TTI1: variants seen among roughly 807,000 people sequenced by gnomAD.
TTI1 encodes TELO2 interacting protein 1, also known as TELO2-interacting protein 1 homolog.
TTI1 carries 52 observed loss-of-function variants against 85.4 expected under a neutral mutation model. The observed-to-expected ratio is 0.61, with a 90% CI of 0.49 to 0.77. The LOEUF is 0.77. Among genes scored for constraint, TTI1 ranks in the 30% least tolerant of loss-of-function variants. The pLI, the probability that TTI1 is intolerant of heterozygous loss-of-function variation, is 0.00. For missense variants in TTI1, 1,173 were observed against 1,296.0 expected, an observed-to-expected ratio of 0.91 and a Z score of 1.46; for synonymous variants, 512 against 503.9, an observed-to-expected ratio of 1.02 and a Z score of -0.22.
chr20:38,001,664 A>C (rs2073427284), intron 4 of TTI1, among the ~76,000 whole-genome samples: 1 of 152,074 alleles, frequency 6.6e-6, no homozygotes. Context: ...ATCACCCCTG[A>C]GCAAGGCAAT....
chr20:38,011,366 A>G (rs1016091285), intron 2 of TTI1, 149 bp downstream of exon 2: 9 of 844,250 alleles, frequency 1.1e-5, no homozygotes, highest in Non-Finnish European at 1.6e-5. Context: ...AAACAGTGAA[A>G]CCCCCCCATA....
Position 38,003,752 on chromosome 20 carries a change from C to CA in TTI1, c.2504-977dup, listed in dbSNP as rs61171915. 2.4e-3 allele frequency among the ~76,000 whole-genome samples: 281 copies of CA among 118,782 alleles called. 1 individual carries two copies. Among genetic ancestry groups the CA allele is most frequent in the Middle Eastern group, 4.8e-3 (1 of 208 alleles). 77.9% of individuals were successfully genotyped at this position (118,782 alleles called of 152,430 possible). On this transcript the variant is annotated intron_variant, in intron 3 of 7. Coordinates refer to ENST00000373447, the MANE Select transcript of TTI1 (RefSeq NM_001303457.2). The stretch of plus-strand genomic sequence containing the variant: ...GGGCAACAACAGCAAAACTCTGTCT[C>CA]AAAAAAAAAAAAAAAAGGGAGAGAT...
intron 1 of TTI1, among the ~76,000 whole-genome samples, chr20:38,020,899 C>T (rs908287388): frequency 2.6e-5 from 4 of 152,034 alleles, no homozygotes; most frequent in Non-Finnish European, 4.4e-5. Context: ...TGCTGGTGGG[C>T]GTATAAATCA....
At chr20:38,030,137 ATTATT>A (rs2073887969) in intron 1 of TTI1, among the ~76,000 whole-genome samples, 1 of 151,904 alleles carries the variant, frequency 6.6e-6, no homozygotes, top group Admixed American at 6.6e-5. Context: ...TAGGAAAGAG[ATTATT>A]TTAACAGCTT....
intron 1 of TTI1, among the ~76,000 whole-genome samples, chr20:38,022,589 T>C (rs565316346): frequency 6.6e-6 from 1 of 152,306 alleles, no homozygotes; most frequent in East Asian, 1.9e-4. Flanking sequence ...AGATAAAACC[T>C]GCCATGCTCT....
At chr20:38,020,318 AAAAAAATATATATATAT>A (rs1568628937) in intron 1 of TTI1, among the ~76,000 whole-genome samples, 1,064 of 84,138 alleles carry the variant, frequency 0.013, 70 homozygotes, top group African/African-American at 0.047. Flanking sequence ...ATGAAAAAAA[AAAAAAATATATATATAT>A]ATATATATAT....
Position 37,996,371 on chromosome 20 carries a change from G to C in TTI1, c.3086+4C>G, listed in dbSNP as rs775708714. On this transcript the variant is annotated splice_donor_region_variant and intron_variant, in intron 7 of 7. Coordinates refer to ENST00000373447, the MANE Select transcript of TTI1 (RefSeq NM_001303457.2). ...AAGGGATGCGGGTGATCAGGCAGAC[G>C]TACCTCCTGGCAGCCTCTTGTAATT... 3 of 1,613,858 alleles carry C rather than the reference G, an allele frequency of 1.9e-6. No individual in the cohort carries two copies. The highest frequency in any genetic ancestry group is 2.5e-6 in the Non-Finnish European group (3 of 1,179,934).
At chr20:38,029,409 T>C (rs1306234529) in intron 1 of TTI1, among the ~76,000 whole-genome samples, 1 of 151,174 alleles carries the variant, frequency 6.6e-6, no homozygotes, top group South Asian at 2.1e-4. Context: ...CTAGACAAAG[T>C]AGAGCAAAAT....
At chr20:38,030,944 A>G (rs1051169687) in intron 1 of TTI1, among the ~76,000 whole-genome samples, 1 of 152,214 alleles carries the variant, frequency 6.6e-6, no homozygotes, top group African/African-American at 2.4e-5. Context: ...CGCTATTCTT[A>G]TAGTTGCTTA....
In TTI1 at chr20:38,000,999, G is replaced by A. The variant is rs150564397; in HGVS notation, c.2652+1629C>T. Among the ~76,000 whole-genome samples, 70 of 152,198 alleles carry A rather than the reference G, an allele frequency of 4.6e-4. 1 individual carries two copies. Among genetic ancestry groups the A allele is most frequent in the Admixed American group, 2.9e-3 (44 of 15,296 alleles). ...AGTAGGTACCCAACACGTATCTGCCGCATGGGTGAATTACTATTTTCTATC... is the reference window on the plus strand; with the variant it reads ...AGTAGGTACCCAACACGTATCTGCCACATGGGTGAATTACTATTTTCTATC... On this transcript the variant is annotated intron_variant, in intron 4 of 7. Transcript: ENST00000373447.
rs746388972 is a variant in TTI1 at position 37,999,169 on chromosome 20, G to A, written c.2793+19C>T. 1.4e-6 allele frequency: 2 copies of A among 1,394,106 alleles called. No individual in the cohort carries two copies. The highest frequency in any genetic ancestry group is 1.5e-5 in the African/African-American group (1 of 67,710). 86.4% of individuals were successfully genotyped at this position (1,394,106 alleles called of 1,614,324 possible). A position where few individuals can be genotyped will look rare whatever the true frequency, so the allele number is the denominator to read the frequency against. ...AACTCTACCCTCACAACAGACCATG[G>A]GGGATGCTGGTGCAGTACCTTGAAG... On this transcript the variant is annotated intron_variant, in intron 5 of 7. Coordinates refer to ENST00000373447, the MANE Select transcript of TTI1 (RefSeq NM_001303457.2).
At chr20:38,017,612 T>G (rs922922291) in intron 1 of TTI1, among the ~76,000 whole-genome samples, 1 of 152,144 alleles carries the variant, frequency 6.6e-6, no homozygotes, top group Non-Finnish European at 1.5e-5. Context: ...ATACCCAACT[T>G]CTGGAAGAAG....
Position 38,013,108 on chromosome 20 carries a change from T to G in TTI1, c.709A>C (p.Lys237Gln). Residue 237 changes from lysine (K) to glutamine (Q), a missense_variant, in exon 2 of 8, where the codon AAG (lysine) becomes CAG (glutamine). Lys to Gln is a moderately conservative substitution (Grantham distance 53). Transcript: ENST00000373447. The stretch of plus-strand genomic sequence containing the variant: ...AAGCTCACTGTCTTGTAAAAGATCT[T>G]TAGGGAAGATACGACAATGCTGTGA... Reference protein sequence around the residue: ...QGHSIVVSSLKIFYKTVSFIM... With the variant: ...QGHSIVVSSLQIFYKTVSFIM... The G allele has an allele frequency of 6.2e-7, 1 of 1,614,178 alleles. No homozygotes were observed. The highest frequency in any genetic ancestry group is 2.2e-5 in the East Asian group (1 of 44,882).
intron 1 of TTI1, among the ~76,000 whole-genome samples, chr20:38,028,791 C>T (rs1490867240): frequency 1.3e-5 from 2 of 152,174 alleles, no homozygotes; most frequent in African/African-American, 4.8e-5. Context: ...TCACTGCAGC[C>T]TCAATTTCCT....
At chr20:37,990,430 A>G (rs1316472978) in intron 7 of TTI1, among the ~76,000 whole-genome samples, 1 of 152,236 alleles carries the variant, frequency 6.6e-6, no homozygotes, top group Non-Finnish European at 1.5e-5. Context: ...GAGAAAACAG[A>G]GACTTTGAGA....
intron 7 of TTI1, among the ~76,000 whole-genome samples, chr20:37,985,238 CTATTTACCAATTAACAGTACATAG>C (rs2073174290): frequency 6.6e-6 from 1 of 152,210 alleles, no homozygotes; most frequent in Non-Finnish European, 1.5e-5. Flanking sequence ...CACGTGATCC[CTATTTACCAATTAACAGTACATAG>C]TATCTATTTG....
At chr20:38,010,156 C>T (rs1282771769) in intron 2 of TTI1, among the ~76,000 whole-genome samples, 1 of 152,164 alleles carries the variant, frequency 6.6e-6, no homozygotes, top group Non-Finnish European at 1.5e-5. Flanking sequence ...TTATGCTGAA[C>T]GTGAATGCTC....
chr20:38,017,435 T>TGTGTGTGTGTGTGTGTGC (rs879610985), intron 1 of TTI1, among the ~76,000 whole-genome samples: 14 of 146,220 alleles, frequency 9.6e-5, no homozygotes, highest in African/African-American at 3.3e-4. Flanking sequence ...TGTGTGTGTG[T>TGTGTGTGTGTGTGTGTGC]GCGCGCGCGC....
chr20:37,996,975 TG>T, intron 5 of TTI1, 22 bp from the exon 6 acceptor site: 1 of 1,607,660 alleles, frequency 6.2e-7, no homozygotes, highest in African/African-American at 1.3e-5. Context: ...GCCTCCAACC[TG>T]GTGAGTGAAC....
Sources: allele counts gnomAD v4.1 joint callset (sites outside exome capture counted in the v4.1 genomes callset), GRCh38; gene constraint gnomAD v4.1.1; transcripts MANE v1.5; gene names NCBI Gene and HGNC (gene_info 2026-07-23, HGNC 2026-07-21).